PLCE1: variants seen among roughly 807,000 people sequenced by gnomAD.
PLCE1 encodes phospholipase C epsilon 1.
A neutral mutation model predicts 242.8 loss-of-function variants in PLCE1; 119 were observed. That is an observed-to-expected ratio of 0.49 (90% CI 0.42 to 0.57). The LOEUF is 0.57. Ranked by LOEUF, PLCE1 falls within the 20% of genes least tolerant of loss-of-function variation. The pLI, the probability that PLCE1 is intolerant of heterozygous loss-of-function variation, is 0.00. For synonymous variants in PLCE1, 945 were observed against 1,017.4 expected (o/e 0.93, Z 1.35); for missense variants, 2,441 against 2,788.8 (o/e 0.88, Z 2.81).
chr10:94,168,517 A>G (rs932762), intron 3 of PLCE1, among the ~76,000 whole-genome samples: 16,925 of 152,148 alleles, frequency 0.11, 2,021 homozygotes, highest in African/African-American at 0.3. Context: ...ACATGCTTAT[A>G]CTGGGACCGC....
At chr10:94,296,069 A>G (rs2052799743) in intron 23 of PLCE1, among the ~76,000 whole-genome samples, 1 of 152,136 alleles carries the variant, frequency 6.6e-6, no homozygotes, top group African/African-American at 2.4e-5. Context: ...TTACAATAAA[A>G]AGTTGTTGTT....
At chr10:94,080,075 G>C (rs1223715439) in intron 2 of PLCE1, among the ~76,000 whole-genome samples, 1 of 152,196 alleles carries the variant, frequency 6.6e-6, no homozygotes, top group Non-Finnish European at 1.5e-5. Flanking sequence ...ACTTTCAGCT[G>C]TCTTTCAGCC....
chr10:94,329,831 C>CA lies in PLCE1; in HGVS notation c.*1889dup, dbSNP rs1486655568. ...AAAAAACACCATACAGCTTTCATGT[C>CA]ATTGAAAGTTCTTACTGGGTCAAAG... On this transcript the variant is annotated 3_prime_UTR_variant, in exon 33 of 33. Transcript: ENST00000371380. 7.8e-6 allele frequency: 1 copy of CA among 128,322 alleles called. No individual in the cohort carries two copies. Among genetic ancestry groups the CA allele is most frequent in the African/African-American group, 2.9e-5 (1 of 34,704 alleles). The allele number at this position is 128,322 out of a possible 1,614,324, so 7.9% of individuals were successfully genotyped here. A position where few individuals can be genotyped will look rare whatever the true frequency, so the allele number is the denominator to read the frequency against.
At chr10:94,316,132 A>G (rs1375669620) in intron 28 of PLCE1, among the ~76,000 whole-genome samples, 1 of 152,206 alleles carries the variant, frequency 6.6e-6, no homozygotes. Flanking sequence ...ACCTAGCCCT[A>G]CAAACCTTCC....
intron 2 of PLCE1, among the ~76,000 whole-genome samples, chr10:94,122,733 A>G (rs1450520395): frequency 3.3e-5 from 5 of 152,204 alleles, no homozygotes; most frequent in Non-Finnish European, 4.4e-5. Context: ...ATGAAAGGTA[A>G]CATGTTCTCC....
At chr10:94,137,507 G>A (rs1015290568) in intron 3 of PLCE1, among the ~76,000 whole-genome samples, 2 of 152,182 alleles carry the variant, frequency 1.3e-5, no homozygotes, top group African/African-American at 2.4e-5. Context: ...ATATAAGGCA[G>A]CTAAGTGTTT....
At position 94,132,472 on chromosome 10, in the gene PLCE1, A is replaced by G; in HGVS notation, c.1492+13A>G. 1 of 1,612,120 alleles carries G rather than the reference A, an allele frequency of 6.2e-7. No individual in the cohort carries two copies. Among genetic ancestry groups the G allele is most frequent in the Non-Finnish European group, 8.5e-7 (1 of 1,178,462 alleles). On this transcript the variant is annotated intron_variant, in intron 3 of 32. Coordinates refer to ENST00000371380, the MANE Select transcript of PLCE1 (RefSeq NM_016341.4). Reference sequence around the variant, plus strand: ...ATGATGCTGAAAGGTAATGCCTGAAATTTCACTTTTAACTTTCTATCTTTG... The same window carrying G: ...ATGATGCTGAAAGGTAATGCCTGAAGTTTCACTTTTAACTTTCTATCTTTG...
intron 6 of PLCE1, 78 bp from the exon 7 acceptor site, chr10:94,235,837 A>G: frequency 6.7e-7 from 1 of 1,493,448 alleles, no homozygotes; most frequent in Non-Finnish European, 9.3e-7. Flanking sequence ...TTATTACTTT[A>G]TGATTTCATT....
chr10:94,133,712 T>A (rs949500444), intron 3 of PLCE1, among the ~76,000 whole-genome samples: 2 of 152,222 alleles, frequency 1.3e-5, no homozygotes, highest in African/African-American at 4.8e-5. Context: ...CTTCAGGGGA[T>A]TGGTTATAAA....
At chr10:94,057,351 C>T (rs1334140876) in intron 2 of PLCE1, among the ~76,000 whole-genome samples, 11 of 152,058 alleles carry the variant, frequency 7.2e-5, no homozygotes, top group East Asian at 3.8e-4. Context: ...TTCCTTAAAA[C>T]GCTCATAACA....
intron 4 of PLCE1, among the ~76,000 whole-genome samples, chr10:94,206,824 G>C (rs2049171454): frequency 6.6e-6 from 1 of 152,090 alleles, no homozygotes; most frequent in African/African-American, 2.4e-5. Context: ...GTGTTGTATT[G>C]AAAGTGTCCC....
At chr10:94,235,328 C>T (rs2050287259) in intron 6 of PLCE1, among the ~76,000 whole-genome samples, 1 of 152,002 alleles carries the variant, frequency 6.6e-6, no homozygotes, top group Non-Finnish European at 1.5e-5. Flanking sequence ...CCCCTAGCTT[C>T]CTCATGTCTT....
At chr10:94,305,058 A>G (rs544024376) in intron 25 of PLCE1, among the ~76,000 whole-genome samples, 2 of 152,292 alleles carry the variant, frequency 1.3e-5, no homozygotes, top group African/African-American at 4.8e-5. Context: ...GTATAATTTA[A>G]CCTTTATCAT....
Position 94,262,741 on chromosome 10 carries a change from C to T in PLCE1, c.4053+9C>T, listed in dbSNP as rs1259937975. 1.3e-6 allele frequency: 2 copies of T among 1,580,308 alleles called. No homozygotes were observed. Among genetic ancestry groups the T allele is most frequent in the South Asian group, 1.1e-5 (1 of 90,434 alleles). ...TCCTCAGCATCATCCAGGTTTGTGC[C>T]TGTTTTGTGTGTGCATGTGTGTGTG... On this transcript the variant is annotated intron_variant, in intron 14 of 32. Transcript: ENST00000371380.
chr10:94,174,742 T>C (rs1241280930), intron 4 of PLCE1, among the ~76,000 whole-genome samples: 1 of 152,036 alleles, frequency 6.6e-6, no homozygotes, highest in African/African-American at 2.4e-5. Flanking sequence ...TTCAAAAGCA[T>C]CAAGGTCATA....
intron 2 of PLCE1, among the ~76,000 whole-genome samples, chr10:94,069,235 A>C (rs997077427): frequency 3.3e-5 from 5 of 152,198 alleles, no homozygotes; most frequent in Non-Finnish European, 5.9e-5. Flanking sequence ...GTTGTCCCCA[A>C]ATAAAAAATA....
At chr10:94,232,195 A>G (rs2050167141) in intron 5 of PLCE1, among the ~76,000 whole-genome samples, 1 of 152,122 alleles carries the variant, frequency 6.6e-6, no homozygotes, top group Admixed American at 6.5e-5. Flanking sequence ...GATTTTTTAA[A>G]CTGAGAGATT....
intron 16 of PLCE1, among the ~76,000 whole-genome samples, chr10:94,266,465 C>T (rs566294265): frequency 6.6e-6 from 1 of 152,194 alleles, no homozygotes; most frequent in South Asian, 2.1e-4. Flanking sequence ...AGACTTTAGG[C>T]ACTGTCCCTA....
intron 2 of PLCE1, among the ~76,000 whole-genome samples, chr10:94,129,970 G>C (rs1337444824): frequency 6.6e-6 from 1 of 152,092 alleles, no homozygotes; most frequent in African/African-American, 2.4e-5. Flanking sequence ...CTTATTGCTT[G>C]CATGGTGAGT....
Sources: allele counts gnomAD v4.1 joint callset (sites outside exome capture counted in the v4.1 genomes callset), GRCh38; gene constraint gnomAD v4.1.1; transcripts MANE v1.5; gene names NCBI Gene and HGNC (gene_info 2026-07-23, HGNC 2026-07-21).